The following LMX1A variants were observed in gnomAD, a reference collection of about 807,000 sequenced individuals.
LMX1A encodes the protein LIM homeobox transcription factor 1-alpha.
LMX1A carries 15 observed loss-of-function variants against 49.1 expected under a neutral mutation model. The ratio of observed to expected loss-of-function variants is 0.31; its 90% confidence interval spans 0.20 to 0.47. The LOEUF (loss-of-function observed/expected upper bound fraction) is 0.47. Ranked by LOEUF, LMX1A falls within the 20% of genes least tolerant of loss-of-function variation. The pLI, the probability that LMX1A is intolerant of heterozygous loss-of-function variation, is 1.00. For synonymous variants in LMX1A, 167 were observed against 185.7 expected, an observed-to-expected ratio of 0.90 and a Z score of 0.82; for missense variants, 372 against 475.8, an observed-to-expected ratio of 0.78 and a Z score of 2.03.
At chr1:165,260,468 T>G (rs761501406) in intron 3 of LMX1A, among the ~76,000 whole-genome samples, 2 of 152,152 alleles carry the variant, frequency 1.3e-5, no homozygotes, top group Non-Finnish European at 2.9e-5. Flanking sequence ...TAAATCCTGT[T>G]TGCTTTGGTC....
At chr1:165,284,498 A>G (rs773700218) in intron 3 of LMX1A, among the ~76,000 whole-genome samples, 1 of 152,220 alleles carries the variant, frequency 6.6e-6, no homozygotes, top group Non-Finnish European at 1.5e-5. Flanking sequence ...AGAGTGAATG[A>G]GCAGGCAGGC....
chr1:165,249,367 T>C (rs374366501), intron 4 of LMX1A, 41 bp downstream of exon 4: 3 of 1,446,316 alleles, frequency 2.1e-6, no homozygotes, highest in Non-Finnish European at 2.9e-6. Flanking sequence ...AACTCCACTC[T>C]ACCCACCCCA....
At chr1:165,275,359 T>A (rs1418082478) in intron 3 of LMX1A, among the ~76,000 whole-genome samples, 2 of 152,218 alleles carry the variant, frequency 1.3e-5, no homozygotes, top group Non-Finnish European at 2.9e-5. Context: ...CACTCCCCAA[T>A]AAGCAGCAGT....
At chr1:165,266,595 CTTTTTTTTTTTT>C (rs61551654) in intron 3 of LMX1A, among the ~76,000 whole-genome samples, 2 of 79,184 alleles carry the variant, frequency 2.5e-5, no homozygotes, top group East Asian at 4.1e-4. Flanking sequence ...TTCTTTCTTT[CTTTTTTTTTTTT>C]TTTTTTTTTT....
chr1:165,337,143 A>G (rs916501960), intron 3 of LMX1A, among the ~76,000 whole-genome samples: 1 of 152,244 alleles, frequency 6.6e-6, no homozygotes, highest in Admixed American at 6.5e-5. Context: ...AATGCCTCAT[A>G]CATAGTAGTT....
intron 3 of LMX1A, among the ~76,000 whole-genome samples, chr1:165,259,552 C>A (rs541686271): frequency 2.6e-5 from 4 of 152,206 alleles, no homozygotes; most frequent in African/African-American, 9.7e-5. Flanking sequence ...CGTATTGAGA[C>A]ATCCCTATCC....
intron 3 of LMX1A, among the ~76,000 whole-genome samples, chr1:165,348,019 G>A (rs1390311779): frequency 1.4e-5 from 2 of 142,278 alleles, no homozygotes; most frequent in Non-Finnish European, 3.2e-5. Flanking sequence ...AATTAGTAAT[G>A]GTCTTTTGAT....
chr1:165,352,994 G>T (rs1656478060), intron 3 of LMX1A, 82 bp downstream of exon 3: 4 of 1,415,504 alleles, frequency 2.8e-6, no homozygotes, highest in Non-Finnish European at 3.9e-6. Context: ...TTCCAGAAAA[G>T]GACTAGGGTA....
intron 4 of LMX1A, chr1:165,218,675 A>G (rs1264105704): frequency 6.6e-6 from 1 of 152,240 alleles, no homozygotes; most frequent in African/African-American, 2.4e-5. Flanking sequence ...CGATTTGTTC[A>G]CGAGAAAGGA....
chr1:165,346,955 T>A (rs146623061), intron 3 of LMX1A, among the ~76,000 whole-genome samples: 1 of 152,270 alleles, frequency 6.6e-6, no homozygotes, highest in East Asian at 1.9e-4. Context: ...TTGGGGGGTG[T>A]TTGCTTCATT....
At chr1:165,319,583 C>A (rs1655322312) in intron 3 of LMX1A, among the ~76,000 whole-genome samples, 1 of 152,060 alleles carries the variant, frequency 6.6e-6, no homozygotes, top group Admixed American at 6.5e-5. Flanking sequence ...ACAAATTATT[C>A]TATGACTTAA....
chr1:165,208,189 A>T (rs1429084519), intron 6 of LMX1A, 57 bp from the exon 7 acceptor site: 1 of 1,518,570 alleles, frequency 6.6e-7, no homozygotes. Context: ...ATGTTCACAA[A>T]GTAAGGGGGG....
In LMX1A at chr1:165,208,542, C is replaced by T. The variant is rs550352173; in HGVS notation, c.748-410G>A. ...TAAGAGGCTGTTCCTTTCCTCCTCC[C>T]TGTCTGCTGGCCCTTAAGATTGAGA... On this transcript the variant is annotated intron_variant, in intron 6 of 8. Coordinates refer to ENST00000342310, the MANE Select transcript of LMX1A (RefSeq NM_177398.4). Among the ~76,000 whole-genome samples the T allele has an allele frequency of 8.5e-5, 13 of 152,362 alleles. No homozygotes were observed. In the East Asian group the frequency reaches 1.2e-3, roughly 14 times the overall value.
intron 3 of LMX1A, among the ~76,000 whole-genome samples, chr1:165,303,139 T>C (rs1483282805): frequency 9.9e-5 from 15 of 152,246 alleles, no homozygotes; most frequent in Admixed American, 9.8e-4. Flanking sequence ...AGATAATGTA[T>C]AATTTTCATG....
chr1:165,288,408 A>G (rs1376168126), intron 3 of LMX1A, among the ~76,000 whole-genome samples: 1 of 152,140 alleles, frequency 6.6e-6, no homozygotes, highest in African/African-American at 2.4e-5. Context: ...TGTAACAACC[A>G]CTTAGCTCTT....
intron 3 of LMX1A, among the ~76,000 whole-genome samples, chr1:165,346,361 T>C (rs540573037): frequency 6.6e-6 from 1 of 152,350 alleles, no homozygotes; most frequent in South Asian, 2.1e-4. Flanking sequence ...AACTCTTTCA[T>C]GTGACTTCAG....
chr1:165,280,245 T>C (rs1382277249), intron 3 of LMX1A, among the ~76,000 whole-genome samples: 2 of 152,202 alleles, frequency 1.3e-5, no homozygotes, highest in African/African-American at 4.8e-5. Context: ...GCTCCCCTTG[T>C]CTAAATTCCT....
chr1:165,243,069 G>T (rs773251015), intron 4 of LMX1A, among the ~76,000 whole-genome samples: 4 of 152,040 alleles, frequency 2.6e-5, no homozygotes, highest in Non-Finnish European at 4.4e-5. Flanking sequence ...TCAGTTGAGG[G>T]TTATACCAAT....
At chr1:165,221,720 G>A (rs1030945126) in intron 4 of LMX1A, among the ~76,000 whole-genome samples, 1 of 152,204 alleles carries the variant, frequency 6.6e-6, no homozygotes, top group African/African-American at 2.4e-5. Flanking sequence ...CGGCCTGGAT[G>A]CCTCTCCCTT....
Sources: gnomAD v4.1 joint callset for allele counts (sites outside exome capture counted in the v4.1 genomes callset) on GRCh38, gnomAD v4.1.1 for gene constraint, MANE v1.5 for transcripts, NCBI Gene and HGNC (gene_info 2026-07-23, HGNC 2026-07-21) for gene names.